The following CFAP90 variants were observed in gnomAD, a reference collection of about 807,000 sequenced individuals.
CFAP90 encodes cilia- and flagella-associated protein 90.
At chr5:7,845,683 A>G in the CFAP90 span, among the ~76,000 whole-genome samples, 1 of 152,152 alleles carries the variant, frequency 6.6e-6, no homozygotes, top group Non-Finnish European at 1.5e-5. Context: ...ATTGAAGAAC[A>G]CCGTTGAACG....
At chr5:7,843,004 T>C in the CFAP90 span, among the ~76,000 whole-genome samples, 1 of 152,202 alleles carries the variant, frequency 6.6e-6, no homozygotes, top group African/African-American at 2.4e-5. Flanking sequence ...CCTTGTCTAA[T>C]ATGCTAATCA....
the CFAP90 span, among the ~76,000 whole-genome samples, chr5:7,850,334 C>G: frequency 6.6e-6 from 1 of 151,760 alleles, no homozygotes; most frequent in Non-Finnish European, 1.5e-5. Flanking sequence ...TCGGAACCCA[C>G]CCCTGGTAGT....
At chr5:7,840,473 G>T in the CFAP90 span, among the ~76,000 whole-genome samples, 4 of 152,202 alleles carry the variant, frequency 2.6e-5, no homozygotes, top group African/African-American at 9.7e-5. Flanking sequence ...TAACCCATTA[G>T]TTATGAACCA....
At chr5:7,831,696 G>A in the CFAP90 span, 1 of 686,852 alleles carries the variant, frequency 1.5e-6, no homozygotes, top group Non-Finnish European at 2.4e-6. Context: ...CTGCTAACGT[G>A]TTCATGTGTC....
the CFAP90 span, among the ~76,000 whole-genome samples, chr5:7,833,908 G>C: frequency 6.6e-6 from 1 of 152,062 alleles, no homozygotes; most frequent in Admixed American, 6.5e-5. Context: ...GGTGATGTTG[G>C]TGAAAATAAA....
At chr5:7,837,355 C>T in the CFAP90 span, among the ~76,000 whole-genome samples, 1 of 152,112 alleles carries the variant, frequency 6.6e-6, no homozygotes, top group East Asian at 1.9e-4. Context: ...TTAAATCTTC[C>T]AGCAGCACAC....
At chr5:7,830,839 T>C in the CFAP90 span, 1 of 152,338 alleles carries the variant, frequency 6.6e-6, no homozygotes, top group South Asian at 2.1e-4. Context: ...TAGCTGATGA[T>C]ACTTTAATAC....
chr5:7,844,191 G>C, the CFAP90 span, among the ~76,000 whole-genome samples: 1 of 152,138 alleles, frequency 6.6e-6, no homozygotes, highest in Admixed American at 6.5e-5. Flanking sequence ...CCCAAGCCCT[G>C]AGTTTTCCAG....
At chr5:7,841,520 G>A in the CFAP90 span, among the ~76,000 whole-genome samples, 15 of 152,110 alleles carry the variant, frequency 9.9e-5, no homozygotes, top group Admixed American at 3.9e-4. Flanking sequence ...AAAGACACAT[G>A]CACACGTATG....
At chr5:7,832,039 G>A in the CFAP90 span, 1 of 1,600,996 alleles carries the variant, frequency 6.2e-7, no homozygotes, top group Non-Finnish European at 8.6e-7. Flanking sequence ...CCTGGTGAAA[G>A]TTATCAAAGC....
chr5:7,846,694 T>C, the CFAP90 span, among the ~76,000 whole-genome samples: 1 of 152,204 alleles, frequency 6.6e-6, no homozygotes, highest in Admixed American at 6.5e-5. Context: ...GAACTAATTC[T>C]GTACTGTTTT....
At chr5:7,849,373 T>C in the CFAP90 span, among the ~76,000 whole-genome samples, 432 of 152,200 alleles carry the variant, frequency 2.8e-3, 4 homozygotes, top group Non-Finnish European at 4.6e-3. Context: ...GGGAACACCT[T>C]ATACACCATA....
At chr5:7,842,621 T>C in the CFAP90 span, among the ~76,000 whole-genome samples, 6 of 152,026 alleles carry the variant, frequency 3.9e-5, no homozygotes, top group Admixed American at 2.0e-4. Context: ...CTAGTAATAG[T>C]GAAACCATGA....
the CFAP90 span, chr5:7,851,126 C>A: frequency 8.3e-7 from 1 of 1,207,002 alleles, no homozygotes; most frequent in Non-Finnish European, 1.0e-6. Flanking sequence ...AGCGTCTAGC[C>A]CGCGTCTGTG....
At chr5:7,838,418 C>T in the CFAP90 span, among the ~76,000 whole-genome samples, 1 of 152,202 alleles carries the variant, frequency 6.6e-6, no homozygotes, top group Admixed American at 6.5e-5. Context: ...AGCTAATTTG[C>T]TGCTGGCCTG....
chr5:7,849,678 T>G, the CFAP90 span, among the ~76,000 whole-genome samples: 1 of 152,166 alleles, frequency 6.6e-6, no homozygotes, highest in Non-Finnish European at 1.5e-5. Flanking sequence ...GGGTGCCCAG[T>G]GGCCTTCGCA....
the CFAP90 span, among the ~76,000 whole-genome samples, chr5:7,844,138 T>C: frequency 6.6e-6 from 1 of 152,264 alleles, no homozygotes; most frequent in African/African-American, 2.4e-5. Flanking sequence ...AACCCCTTTT[T>C]AAGGAGCTAC....
the CFAP90 span, chr5:7,835,475 A>G: frequency 3.8e-6 from 6 of 1,585,216 alleles, no homozygotes; most frequent in Admixed American, 1.7e-5. Flanking sequence ...TAAAAATACA[A>G]TCATAGAGGG....
chr5:7,844,665 A>T, the CFAP90 span, among the ~76,000 whole-genome samples: 2 of 152,342 alleles, frequency 1.3e-5, no homozygotes, highest in East Asian at 3.9e-4. Flanking sequence ...TCACTGGGCC[A>T]GTACAAATTC....
Sources: gnomAD v4.1 joint callset for allele counts (sites outside exome capture counted in the v4.1 genomes callset) on GRCh38, gnomAD v4.1.1 for gene constraint, MANE v1.5 for transcripts, NCBI Gene and HGNC (gene_info 2026-07-23, HGNC 2026-07-21) for gene names.